The following LAMB1 variants were observed in gnomAD, a reference collection of about 807,000 sequenced individuals.
LAMB1 encodes laminin subunit beta-1.
Under a neutral mutation model 222.3 loss-of-function variants are expected in LAMB1, and 121 were observed. The ratio of observed to expected loss-of-function variants is 0.54; its 90% confidence interval spans 0.47 to 0.63. The LOEUF (loss-of-function observed/expected upper bound fraction) is 0.63. Ranked by LOEUF, LAMB1 falls within the 30% of genes least tolerant of loss-of-function variation. The pLI is 0.00. For synonymous variants in LAMB1, 794 were observed against 807.2 expected, an observed-to-expected ratio of 0.98 and a Z score of 0.28; for missense variants, 2,172 against 2,240.8, an observed-to-expected ratio of 0.97 and a Z score of 0.62.
intron 27 of LAMB1, among the ~76,000 whole-genome samples, chr7:107,933,198 G>A (rs1218551979): frequency 2.0e-5 from 3 of 152,158 alleles, no homozygotes; most frequent in African/African-American, 7.2e-5. Context: ...TGTGCTATAT[G>A]ATAGAAAAGG....
chr7:107,961,862 G>C (rs1190995267), intron 15 of LAMB1, among the ~76,000 whole-genome samples, 186 bp from the exon 16 acceptor site: 1 of 152,150 alleles, frequency 6.6e-6, no homozygotes, highest in Non-Finnish European at 1.5e-5. Flanking sequence ...CCTGGATGCT[G>C]AAACACCTCT....
chr7:107,962,452 G>A (rs1247669383), intron 15 of LAMB1, among the ~76,000 whole-genome samples: 1 of 152,190 alleles, frequency 6.6e-6, no homozygotes, highest in African/African-American at 2.4e-5. Flanking sequence ...GGTGGCTCAC[G>A]CCTGTAATCC....
intron 7 of LAMB1, 56 bp downstream of exon 7, chr7:107,985,966 A>G (rs2034068187): frequency 5.7e-6 from 8 of 1,399,114 alleles, no homozygotes; most frequent in Non-Finnish European, 8.1e-6. Context: ...TCAAAAAACA[A>G]AACAAAACAA....
chr7:107,961,440 G>C (rs911475063), intron 16 of LAMB1, 109 bp downstream of exon 16: 6 of 1,569,092 alleles, frequency 3.8e-6, no homozygotes, highest in Non-Finnish European at 4.3e-6. Context: ...AAAAAAGTCA[G>C]CAGTCAACGT....
At chr7:107,990,500 C>T (rs757999686) in intron 5 of LAMB1, among the ~76,000 whole-genome samples, 48 of 152,236 alleles carry the variant, frequency 3.2e-4, no homozygotes, top group Non-Finnish European at 5.7e-4. Context: ...GATTTCACTA[C>T]TGTCAGTGGC....
At chr7:107,996,304 T>C (rs1289891907) in intron 4 of LAMB1, among the ~76,000 whole-genome samples, 1 of 152,126 alleles carries the variant, frequency 6.6e-6, no homozygotes, top group East Asian at 1.9e-4. Flanking sequence ...CTTTTTTTTA[T>C]ATGGGAAGAA....
chr7:107,928,451 C>T (rs1164879149), intron 31 of LAMB1, among the ~76,000 whole-genome samples: 3 of 151,808 alleles, frequency 2.0e-5, no homozygotes, highest in Non-Finnish European at 4.4e-5. Context: ...AATTATTATA[C>T]TTCATACTAC....
chr7:107,987,247 G>T (rs1207753299), intron 5 of LAMB1, among the ~76,000 whole-genome samples: 2 of 152,136 alleles, frequency 1.3e-5, no homozygotes, highest in African/African-American at 2.4e-5. Flanking sequence ...ACCTAGAATT[G>T]GTTAAGTAGA....
chr7:107,950,535 A>G (rs2033219179), intron 24 of LAMB1, among the ~76,000 whole-genome samples: 2 of 152,212 alleles, frequency 1.3e-5, no homozygotes, highest in Non-Finnish European at 1.5e-5. Flanking sequence ...TTGTAAGAAA[A>G]TGTCATTTCC....
At chr7:107,980,955 C>T in intron 7 of LAMB1, 144 bp from the exon 8 acceptor site, 1 of 596,986 alleles carries the variant, frequency 1.7e-6, no homozygotes, top group South Asian at 2.0e-5. Context: ...TAGATGACTC[C>T]AATAGTGAAG....
chr7:107,967,312 G>A lies in LAMB1; in HGVS notation c.1563-2625C>T, dbSNP rs139062967. ...TCATTGTCACTGCCACTGCCACTGC[G>A]TCAGTCCAGGATGGCATCACCCCAT... On this transcript the variant is annotated intron_variant, in intron 13 of 33. Coordinates refer to ENST00000222399, the MANE Select transcript of LAMB1 (RefSeq NM_002291.3). Among the ~76,000 whole-genome samples, 477 of 152,216 alleles carry A rather than the reference G, an allele frequency of 3.1e-3. 2 individuals are homozygous for A. Among genetic ancestry groups the A allele is most frequent in the African/African-American group, 0.01 (423 of 41,512 alleles).
chr7:107,960,826 G>A (rs1475960159), intron 17 of LAMB1, among the ~76,000 whole-genome samples, 177 bp from the exon 18 acceptor site: 1 of 152,196 alleles, frequency 6.6e-6, no homozygotes, highest in Non-Finnish European at 1.5e-5. Flanking sequence ...GGAAATTTTA[G>A]ATATGTTTTA....
chr7:107,933,964 C>T (rs964962781), intron 27 of LAMB1, among the ~76,000 whole-genome samples: 4 of 151,928 alleles, frequency 2.6e-5, no homozygotes, highest in Non-Finnish European at 5.9e-5. Flanking sequence ...GTAGGTCACA[C>T]AGAACTTGTT....
intron 28 of LAMB1, chr7:107,931,767 T>G: frequency 2.0e-6 from 1 of 493,364 alleles, no homozygotes; most frequent in Non-Finnish European, 3.6e-6. Context: ...TATAAAATAG[T>G]CCTGAGTCTT....
At chr7:107,925,898 T>TTA (rs1554401971) in intron 32 of LAMB1, among the ~76,000 whole-genome samples, 3 of 142,930 alleles carry the variant, frequency 2.1e-5, no homozygotes, top group Admixed American at 1.4e-4. Context: ...ATAGTTGGTT[T>TTA]AAAAAAAAAA....
Position 107,953,638 on chromosome 7 carries a change from C to G in LAMB1, c.2971G>C (p.Asp991His). Reference protein sequence around the residue: ...NIDTTDPEACDKETGRCLKCL... With the variant: ...NIDTTDPEACHKETGRCLKCL... Reference sequence around the variant, plus strand: ...TTGAGACACCTCCCAGTCTCCTTGTCACAGGCTTCTGGGTCTGTCGTGTCA... The same window carrying G: ...TTGAGACACCTCCCAGTCTCCTTGTGACAGGCTTCTGGGTCTGTCGTGTCA... Residue 991 changes from aspartate (D) to histidine (H), a missense_variant, in exon 22 of 34, where the codon GAC becomes CAC. By Grantham distance (81) the Asp-to-His change is moderately conservative. Coordinates refer to ENST00000222399, the MANE Select transcript of LAMB1 (RefSeq NM_002291.3). The G allele has an allele frequency of 1.2e-6, 2 of 1,614,178 alleles. No homozygotes were observed. The highest frequency in any genetic ancestry group is 1.7e-6 in the Non-Finnish European group (2 of 1,180,004).
intron 13 of LAMB1, among the ~76,000 whole-genome samples, chr7:107,970,789 T>C (rs768909759): frequency 2.6e-5 from 4 of 151,882 alleles, no homozygotes; most frequent in Non-Finnish European, 5.9e-5. Context: ...TGGAGTGCAA[T>C]GGCGTGATCT....
intron 32 of LAMB1, among the ~76,000 whole-genome samples, chr7:107,924,916 C>A (rs1356945583): frequency 6.6e-6 from 1 of 152,128 alleles, no homozygotes; most frequent in Non-Finnish European, 1.5e-5. Flanking sequence ...GCAAATGATT[C>A]TTTTTAGAAA....
intron 5 of LAMB1, among the ~76,000 whole-genome samples, chr7:107,988,483 C>G (rs1350343955): frequency 6.6e-6 from 1 of 152,098 alleles, no homozygotes; most frequent in Non-Finnish European, 1.5e-5. Flanking sequence ...TAAAGAGAGC[C>G]TAAGTCTGTG....
Sources: gnomAD v4.1 joint callset for allele counts (sites outside exome capture counted in the v4.1 genomes callset) on GRCh38, gnomAD v4.1.1 for gene constraint, MANE v1.5 for transcripts, NCBI Gene and HGNC (gene_info 2026-07-23, HGNC 2026-07-21) for gene names.